Variants in PFAS observed in about 807,000 individuals in gnomAD.
PFAS encodes the protein phosphoribosylformylglycinamidine synthase, also known as FGAM synthase.
PFAS carries 97 observed loss-of-function variants against 140.6 expected under a neutral mutation model. The observed-to-expected ratio is 0.69, with a 90% CI of 0.59 to 0.82. The LOEUF is 0.82. PFAS is among the 40% of genes least tolerant of loss of function. The pLI, the probability that PFAS is intolerant of heterozygous loss-of-function variation, is 0.00. For synonymous variants in PFAS, 679 were observed against 718.8 expected (o/e 0.94, Z 0.88); for missense variants, 1,656 against 1,780.2 (o/e 0.93, Z 1.26).
intron 6 of PFAS, 96 bp from the exon 7 acceptor site, chr17:8,256,171 G>T (rs2151579597): frequency 1.7e-6 from 2 of 1,185,664 alleles, no homozygotes; most frequent in Non-Finnish European, 2.4e-6. Context: ...TATGAATTTG[G>T]CTGTAACTCT....
chr17:8,255,396 T>G, intron 4 of PFAS, 106 bp from the exon 5 acceptor site: 1 of 851,226 alleles, frequency 1.2e-6, no homozygotes, highest in Non-Finnish European at 1.8e-6. Flanking sequence ...TGCCATATGG[T>G]GTGGCAGTGG....
At chr17:8,256,710 G>A in intron 8 of PFAS, 62 bp downstream of exon 8, 13 of 1,578,786 alleles carry the variant, frequency 8.2e-6, no homozygotes, top group Admixed American at 1.9e-5. Flanking sequence ...AAAGGTCCCA[G>A]GCCCCTGGAG....
intron 27 of PFAS, 21 bp downstream of exon 27, chr17:8,268,877 G>A (rs746284491): frequency 5.0e-6 from 8 of 1,611,556 alleles, no homozygotes; most frequent in Non-Finnish European, 6.8e-6. Flanking sequence ...AGGAAGGCTG[G>A]GGGAGGGCCC....
chr17:8,255,951 G>T (rs1239774126), intron 6 of PFAS, 41 bp downstream of exon 6: 1 of 1,467,436 alleles, frequency 6.8e-7, no homozygotes, highest in East Asian at 2.3e-5. Flanking sequence ...GAGCCCATGG[G>T]TGTTGGGAGA....
In PFAS at chr17:8,255,711, G is replaced by T. The variant is rs372387277; in HGVS notation, c.574+20G>T. ...AGCTTGGTGAGTAGCTGGGGAGGGA[G>T]ATGTAGGGTCCAGGATAGGCCAGTA... On this transcript the variant is annotated intron_variant, in intron 5 of 27. Coordinates refer to ENST00000314666, the MANE Select transcript of PFAS (RefSeq NM_012393.3). 3.4e-5 allele frequency: 55 copies of T among 1,594,678 alleles called. 1 individual carries two copies. In the African/African-American group the frequency reaches 6.9e-4, roughly 20 times the overall value.
chr17:8,263,777 T>C lies in PFAS; in HGVS notation c.1632T>C (p.Leu544=). 6.2e-7 allele frequency: 1 copy of C among 1,613,082 alleles called. No homozygotes were observed. The highest frequency in any genetic ancestry group is 8.5e-7 in the Non-Finnish European group (1 of 1,179,368). Residue 544 remains leucine, a splice_region_variant and synonymous_variant, in exon 15 of 28, where the codon CTT becomes CTC. Coordinates refer to ENST00000314666, the MANE Select transcript of PFAS (RefSeq NM_012393.3). ...GAIIYTSRFQ[L]GDPTLNALEI... is the part of the protein sequence containing the mutation. ...TCCTCCCCGCCGTGGCTGTGCAGCT[T>C]GGGGACCCAACCCTGAATGCCCTGG...
chr17:8,265,217 C>T, intron 18 of PFAS, 71 bp from the exon 19 acceptor site: 6 of 1,573,182 alleles, frequency 3.8e-6, no homozygotes, highest in South Asian at 1.1e-5. Flanking sequence ...TTGCAACCTC[C>T]CAGTCCGCCT....
upstream of PFAS, chr17:8,248,128 C>T (rs941229969): frequency 7.4e-6 from 7 of 940,688 alleles, no homozygotes; most frequent in Admixed American, 8.3e-5. Context: ...CACCGGTGAG[C>T]GGGTTTCCTC....
rs758256537 is a variant in PFAS at position 8,263,992 on chromosome 17, G to A, written c.1791+56G>A. ...ACTGGGGCAGACATGAGCCACCTGGGTATGGGCTAGAGGGAGAGCTGTCAA... is the reference window on the plus strand; with the variant it reads ...ACTGGGGCAGACATGAGCCACCTGGATATGGGCTAGAGGGAGAGCTGTCAA... On this transcript the variant is annotated intron_variant, in intron 15 of 27. Transcript: ENST00000314666. 1.5e-5 allele frequency: 24 copies of A among 1,583,800 alleles called. No homozygotes were observed. In the South Asian group the frequency reaches 2.4e-4, roughly 16 times the overall value.
rs934590049 is a variant in PFAS, at chr17:8,269,421, C to T, written c.*157C>T. On this transcript the variant is annotated 3_prime_UTR_variant, in exon 28 of 28. Coordinates refer to ENST00000314666, the MANE Select transcript of PFAS (RefSeq NM_012393.3). ...AATCTCAGCGGACTCGATAATCTGC[C>T]TGCTGATGTTCCTTCTGTGGCTGTG... is the stretch of plus-strand genomic sequence containing the variant. 1.0e-5 allele frequency: 6 copies of T among 596,028 alleles called. No homozygotes were observed. The highest frequency in any genetic ancestry group is 9.3e-5 in the African/African-American group (5 of 53,806). The allele number at this position is 596,028 out of a possible 1,614,324, so 36.9% of individuals were successfully genotyped here.
intron 6 of PFAS, 56 bp from the exon 7 acceptor site, chr17:8,256,211 A>T: frequency 6.3e-7 from 1 of 1,575,798 alleles, no homozygotes; most frequent in East Asian, 2.3e-5. Flanking sequence ...AAGACATGGC[A>T]TTAAGAAATG....
rs1989428551 is a variant in PFAS, at chr17:8,257,701, T to A, written c.1076-106T>A. The A allele has an allele frequency of 2.6e-6, 3 of 1,149,964 alleles. No individual in the cohort carries two copies. The Admixed American group carries it at 5.1e-5, about 19-fold the overall frequency. The allele number at this position is 1,149,964 out of a possible 1,614,324, so 71.2% of individuals were successfully genotyped here. A position where few individuals can be genotyped will look rare whatever the true frequency, so the allele number is the denominator to read the frequency against. On this transcript the variant is annotated intron_variant, in intron 9 of 27. Coordinates refer to ENST00000314666, the MANE Select transcript of PFAS (RefSeq NM_012393.3). Reference sequence around the variant, plus strand: ...TTCCTGAAGTGGAACATTGCAACCATGCAGGTGGTCCTTGGTGGCCTTGAC... The same window carrying A: ...TTCCTGAAGTGGAACATTGCAACCAAGCAGGTGGTCCTTGGTGGCCTTGAC...
At chr17:8,264,412 G>T (rs780964722) in intron 16 of PFAS, 58 bp from the exon 17 acceptor site, 15 of 1,611,788 alleles carry the variant, frequency 9.3e-6, no homozygotes, top group Non-Finnish European at 1.3e-5. Context: ...GCACTTTGTC[G>T]CCTGTGTGCC....
intron 5 of PFAS, 48 bp from the exon 6 acceptor site, chr17:8,255,757 G>A (rs764253089): frequency 6.2e-6 from 10 of 1,602,592 alleles, no homozygotes; most frequent in Non-Finnish European, 7.7e-6. Flanking sequence ...GATCTGGAAT[G>A]TGGCTGCCTG....
Position 8,255,688 on chromosome 17 carries a change from C to A in PFAS, c.571C>A (p.Leu191Ile). 1 of 1,584,342 alleles carries A rather than the reference C, an allele frequency of 6.3e-7. No individual in the cohort carries two copies. The highest frequency in any genetic ancestry group is 1.2e-5 in the South Asian group (1 of 85,908). ...RLALEKANQE[L>I]GLALDSWDLD... ...TGCGCTGGAGAAGGCCAACCAGGAG[C>A]TTGGTGAGTAGCTGGGGAGGGAGAT... Residue 191 changes from leucine to isoleucine, a missense_variant, in exon 5 of 28, where the codon CTT (leucine) becomes ATT (isoleucine). This residue lies in a region of PFAS where 773 missense variants were observed against 757.3 expected (regional missense o/e 1.02). Transcript: ENST00000314666.
Position 8,255,427 on chromosome 17 carries a change from AG to A in PFAS, c.385-72del, listed in dbSNP as rs569161254. On this transcript the variant is annotated intron_variant, in intron 4 of 27. Transcript: ENST00000314666. ...AGTGGGCTAGCCTTGCATGACTAAG[AG>A]GGTAGGAAGGTGGACCATTTCTCTC... is the stretch of plus-strand genomic sequence containing the variant. 740 of 1,150,988 alleles carry A rather than the reference AG, an allele frequency of 6.4e-4. 9 individuals are homozygous for A. The South Asian group carries it at 0.011, about 17-fold the overall frequency. 71.3% of individuals were successfully genotyped at this position (1,150,988 alleles called of 1,614,324 possible).
upstream of PFAS, chr17:8,247,971 A>G: frequency 4.4e-6 from 7 of 1,605,222 alleles, no homozygotes; most frequent in Non-Finnish European, 6.0e-6. Flanking sequence ...CAAACAAGAA[A>G]AAAGGAACAA....
intron 11 of PFAS, 113 bp from the exon 12 acceptor site, chr17:8,262,807 A>T: frequency 2.5e-6 from 2 of 792,968 alleles, no homozygotes; most frequent in East Asian, 2.4e-5. Flanking sequence ...AAAAAAAAAA[A>T]GCTGGTCAGG....
intron 9 of PFAS, 41 bp from the exon 10 acceptor site, chr17:8,257,766 A>G (rs764580500): frequency 6.2e-6 from 10 of 1,610,524 alleles, no homozygotes; most frequent in Non-Finnish European, 8.5e-6. Flanking sequence ...CTGTCTTCAC[A>G]GTTCATTCAG....
Sources: gnomAD v4.1 joint callset for allele counts on GRCh38, gnomAD v4.1.1 for gene constraint, gnomAD v4.1.1 regional missense constraint, MANE v1.5 for transcripts, NCBI Gene and HGNC (gene_info 2026-07-23, HGNC 2026-07-21) for gene names.